Variants in ZFAT observed in about 807,000 individuals in gnomAD.
ZFAT encodes zinc finger and AT-hook domain containing.
ZFAT carries 64 observed loss-of-function variants against 117.7 expected under a neutral mutation model. The ratio of observed to expected loss-of-function variants is 0.54; its 90% CI spans 0.44 to 0.67. The LOEUF is 0.67. Among genes scored for constraint, ZFAT ranks in the 30% least tolerant of loss-of-function variants. The probability of loss-of-function intolerance (pLI) is 0.00; values close to 1 mark genes in which losing one functional copy is unlikely to be tolerated. For synonymous variants in ZFAT, 679 were observed against 615.0 expected, an observed-to-expected ratio of 1.10 and a Z score of -1.54; for missense variants, 1,433 against 1,584.5, an observed-to-expected ratio of 0.90 and a Z score of 1.62.
At chr8:134,741,029 A>G in the ZFAT span, among the ~76,000 whole-genome samples, 50 of 152,270 alleles carry the variant, frequency 3.3e-4, no homozygotes, top group African/African-American at 1.2e-3. Flanking sequence ...CAAGCCCTAC[A>G]AAGGGTAAGT....
intron 15 of ZFAT, among the ~76,000 whole-genome samples, chr8:134,505,581 G>C (rs1205468384): frequency 1.3e-5 from 2 of 152,186 alleles, no homozygotes; most frequent in Non-Finnish European, 2.9e-5. Context: ...TAAAAAGGGA[G>C]TAGGAAGGCT....
At chr8:134,596,992 T>TA (rs199585160) in intron 7 of ZFAT, among the ~76,000 whole-genome samples, 13,860 of 144,186 alleles carry the variant, frequency 0.096, 922 homozygotes, top group East Asian at 0.36. Flanking sequence ...GTGGATATAC[T>TA]AAAAAAAAAA....
At chr8:134,786,808 T>C in the ZFAT span, among the ~76,000 whole-genome samples, 1 of 151,940 alleles carries the variant, frequency 6.6e-6, no homozygotes, top group Non-Finnish European at 1.5e-5. Flanking sequence ...ATTTTATCCG[T>C]TTTCATGCCT....
At chr8:134,668,744 C>G (rs1832389924) in intron 1 of ZFAT, among the ~76,000 whole-genome samples, 1 of 152,216 alleles carries the variant, frequency 6.6e-6, no homozygotes, top group South Asian at 2.1e-4. Context: ...GGGAACAAAG[C>G]TGGACGGAGA....
intron 2 of ZFAT, among the ~76,000 whole-genome samples, chr8:134,644,820 T>C (rs1187823011): frequency 6.6e-6 from 1 of 151,844 alleles, no homozygotes; most frequent in African/African-American, 2.4e-5. Flanking sequence ...TGCGCACATA[T>C]ACAGTATCAC....
intron 9 of ZFAT, among the ~76,000 whole-genome samples, chr8:134,586,556 T>C (rs1343254898): frequency 6.6e-6 from 1 of 152,266 alleles, no homozygotes; most frequent in African/African-American, 2.4e-5. Flanking sequence ...CTCCAGCCTC[T>C]GCTGGGCCCT....
chr8:134,740,845 G>C, the ZFAT span, among the ~76,000 whole-genome samples: 2 of 152,168 alleles, frequency 1.3e-5, no homozygotes, highest in Non-Finnish European at 2.9e-5. Flanking sequence ...GTAAGACAAT[G>C]TCTAGAAGAC....
At chr8:134,806,254 T>C in the ZFAT span, among the ~76,000 whole-genome samples, 1 of 152,218 alleles carries the variant, frequency 6.6e-6, no homozygotes, top group Non-Finnish European at 1.5e-5. Flanking sequence ...TGCTGATATT[T>C]ACCCTGTGAT....
chr8:134,486,832 G>A (rs558046704), intron 15 of ZFAT, among the ~76,000 whole-genome samples: 39 of 152,294 alleles, frequency 2.6e-4, no homozygotes, highest in Admixed American at 5.2e-4. Flanking sequence ...GGAGCCAATC[G>A]AAGGCTAGAT....
At chr8:134,691,417 G>A (rs999284547) in intron 1 of ZFAT, among the ~76,000 whole-genome samples, 1 of 152,236 alleles carries the variant, frequency 6.6e-6, no homozygotes, top group African/African-American at 2.4e-5. Context: ...TGTCTCCCAA[G>A]CCACCTGTAG....
At chr8:134,593,473 C>T (rs867591541) in intron 7 of ZFAT, among the ~76,000 whole-genome samples, 1 of 152,114 alleles carries the variant, frequency 6.6e-6, no homozygotes, top group African/African-American at 2.4e-5. Context: ...GTTAAAAGAG[C>T]TCCCAGCAGA....
the ZFAT span, chr8:134,765,917 C>T: frequency 6.6e-6 from 1 of 152,172 alleles, no homozygotes; most frequent in Non-Finnish European, 1.5e-5. Context: ...GTTACATAAA[C>T]TAATCATTAA....
chr8:134,520,458 A>G (rs917716375), intron 13 of ZFAT, among the ~76,000 whole-genome samples: 10 of 152,050 alleles, frequency 6.6e-5, no homozygotes, highest in East Asian at 5.8e-4. Context: ...AAAAACAAAA[A>G]AGCAGCTAGG....
rs1450920198 is a variant in ZFAT, at chr8:134,512,529, C to T, written c.3307G>A (p.Gly1103Arg). The change falls in exon 14 of 16, where the codon GGG (glycine) becomes AGG (arginine). Residue 1103 changes from glycine to arginine, a missense_variant. Gly to Arg is a moderately radical substitution (Grantham distance 125). Around this residue, in one of 5 missense-constraint regions of ZFAT, gnomAD observed 503 missense variants for 543.4 expected, o/e 0.93. Transcript: ENST00000377838. ...AGCGCGGCCACCGCTGCCTGTGTCC[C>T]TTGAACGTCTTCTTCGGCCTCTGTG... ...HITEAEEDVQ[G>R]TQAAVAALQD... The T allele has an allele frequency of 1.2e-6, 2 of 1,613,880 alleles. No homozygotes were observed. The highest frequency in any genetic ancestry group is 3.3e-5 in the Admixed American group (2 of 60,006).
At chr8:134,729,239 C>T in the ZFAT span, among the ~76,000 whole-genome samples, 1 of 152,192 alleles carries the variant, frequency 6.6e-6, no homozygotes, top group African/African-American at 2.4e-5. Context: ...ACTCTGTGAC[C>T]CTGGGACCCT....
intron 9 of ZFAT, among the ~76,000 whole-genome samples, 193 bp downstream of exon 9, chr8:134,588,037 GTGCACACCTCTATTCA>G (rs1390145647): frequency 6.6e-6 from 1 of 152,196 alleles, no homozygotes; most frequent in Non-Finnish European, 1.5e-5. Flanking sequence ...CTATGAAGGA[GTGCACACCTCTATTCA>G]TTGCAATTGC....
At chr8:134,660,933 A>G (rs1180351426) in intron 1 of ZFAT, among the ~76,000 whole-genome samples, 1 of 152,238 alleles carries the variant, frequency 6.6e-6, no homozygotes, top group Non-Finnish European at 1.5e-5. Context: ...GCCATCTGTT[A>G]TGAATTTGCA....
chr8:134,825,657 T>C, the ZFAT span, among the ~76,000 whole-genome samples: 1 of 152,206 alleles, frequency 6.6e-6, no homozygotes, highest in Non-Finnish European at 1.5e-5. Context: ...AAGCATACGC[T>C]ACAAATTAAA....
chr8:134,712,738 C>T (rs1163529001), intron 1 of ZFAT, 107 bp downstream of exon 1: 9 of 1,140,468 alleles, frequency 7.9e-6, no homozygotes, highest in African/African-American at 1.7e-5. Flanking sequence ...GGCCGGCGGC[C>T]GGCGGCCGGC....
Sources: gnomAD v4.1 joint callset for allele counts (sites outside exome capture counted in the v4.1 genomes callset) on GRCh38, gnomAD v4.1.1 for gene constraint, gnomAD v4.1.1 regional missense constraint, MANE v1.5 for transcripts, NCBI Gene and HGNC (gene_info 2026-07-23, HGNC 2026-07-21) for gene names.